The following CREB5 variants were observed in gnomAD, a reference collection of about 807,000 sequenced individuals.
The protein encoded by CREB5 is cAMP responsive element binding protein 5.
In CREB5, 19 loss-of-function variants were observed where a neutral mutation model predicts 57.1. The ratio of observed to expected loss-of-function variants is 0.33; its 90% confidence interval spans 0.23 to 0.49. CREB5 has a LOEUF of 0.49. CREB5 is among the 20% of genes least tolerant of loss of function. The pLI, the probability that CREB5 is intolerant of heterozygous loss-of-function variation, is 0.99. For missense variants in CREB5, 579 were observed against 671.6 expected, an observed-to-expected ratio of 0.86 and a Z score of 1.52; for synonymous variants, 238 against 238.3, an observed-to-expected ratio of 1.00 and a Z score of 0.01.
At position 28,643,759 on chromosome 7, in the gene CREB5, G is replaced by GA. The variant is rs372646801; in HGVS notation, c.464+73222_464+73223insA. On this transcript the variant is annotated intron_variant, in intron 5 of 10. Transcript: ENST00000357727. ...TTCACGGGTTTGGGAGGTGGGGGGG[G>GA]GCGGAAGAAAAAAAAAAAACACACA... Among the ~76,000 whole-genome samples the GA allele has an allele frequency of 5.9e-3, 455 of 77,710 alleles. 7 individuals carry two copies. Among genetic ancestry groups the GA allele is most frequent in the African/African-American group, 0.024 (440 of 18,418 alleles). 51.0% of individuals were successfully genotyped at this position (77,710 alleles called of 152,430 possible). A position where few individuals can be genotyped will look rare whatever the true frequency, so the allele number is the denominator to read the frequency against.
intron 5 of CREB5, among the ~76,000 whole-genome samples, chr7:28,700,981 C>G (rs996628250): frequency 6.6e-6 from 1 of 150,870 alleles, no homozygotes; most frequent in African/African-American, 2.4e-5. Context: ...AAAAAACAAC[C>G]CACCAACCCT....
At chr7:28,644,854 T>C (rs1798830023) in intron 5 of CREB5, among the ~76,000 whole-genome samples, 1 of 152,164 alleles carries the variant, frequency 6.6e-6, no homozygotes. Flanking sequence ...TTTCTACCAG[T>C]CTTTCTAGAT....
intron 7 of CREB5, among the ~76,000 whole-genome samples, chr7:28,764,243 T>C (rs1392705477): frequency 1.3e-5 from 2 of 152,170 alleles, no homozygotes; most frequent in Admixed American, 6.5e-5. Context: ...TGTTCTCTTA[T>C]TATTTTTTTT....
At chr7:28,544,668 C>T (rs910469459) in intron 4 of CREB5, among the ~76,000 whole-genome samples, 3 of 152,108 alleles carry the variant, frequency 2.0e-5, no homozygotes, top group Non-Finnish European at 4.4e-5. Flanking sequence ...AGGAGCCATA[C>T]AGGATAATGC....
chr7:28,611,257 A>T (rs1266964826), intron 5 of CREB5, among the ~76,000 whole-genome samples: 2 of 151,788 alleles, frequency 1.3e-5, no homozygotes, highest in East Asian at 3.9e-4. Flanking sequence ...AGTAAATCGC[A>T]CCCCTGTATT....
chr7:28,751,118 A>G (rs1330958819), intron 7 of CREB5, among the ~76,000 whole-genome samples: 5 of 148,720 alleles, frequency 3.4e-5, no homozygotes, highest in South Asian at 2.1e-4. Context: ...TTCCCCATTA[A>G]CCAACAAACG....
chr7:28,771,090 A>G (rs1420616269), intron 7 of CREB5, among the ~76,000 whole-genome samples: 3 of 152,208 alleles, frequency 2.0e-5, no homozygotes, highest in Non-Finnish European at 2.9e-5. Flanking sequence ...TAAGTATGAA[A>G]TAGTGGTAGA....
intron 1 of CREB5, among the ~76,000 whole-genome samples, chr7:28,467,520 A>C (rs947665229): frequency 2.0e-5 from 3 of 152,180 alleles, no homozygotes; most frequent in Non-Finnish European, 4.4e-5. Flanking sequence ...TACATATTGC[A>C]GACCTAACAC....
At chr7:28,484,460 G>C (rs1791477123) in intron 1 of CREB5, among the ~76,000 whole-genome samples, 1 of 152,206 alleles carries the variant, frequency 6.6e-6, no homozygotes, top group African/African-American at 2.4e-5. Context: ...AGAGAATGCT[G>C]TTTGCAGAGG....
intron 1 of CREB5, among the ~76,000 whole-genome samples, chr7:28,340,054 A>G (rs919547474): frequency 3.3e-5 from 5 of 152,120 alleles, no homozygotes; most frequent in Non-Finnish European, 7.4e-5. Flanking sequence ...CTCTGGCCCA[A>G]GGCAGTTCCA....
At chr7:28,455,548 T>C (rs1790056804) in intron 1 of CREB5, among the ~76,000 whole-genome samples, 1 of 152,226 alleles carries the variant, frequency 6.6e-6, no homozygotes, top group Non-Finnish European at 1.5e-5. Context: ...TCTCAGGTAG[T>C]GGCAAGAGAT....
At chr7:28,374,764 C>T (rs549131488) in intron 1 of CREB5, among the ~76,000 whole-genome samples, 17 of 152,288 alleles carry the variant, frequency 1.1e-4, no homozygotes, top group South Asian at 4.1e-4. Flanking sequence ...AGCCTCAGAG[C>T]GAAATAGGCC....
intron 5 of CREB5, among the ~76,000 whole-genome samples, chr7:28,638,765 A>G (rs1292005041): frequency 6.6e-6 from 1 of 152,232 alleles, no homozygotes; most frequent in Non-Finnish European, 1.5e-5. Context: ...TTCATTTTAT[A>G]TATGAAAAAC....
intron 4 of CREB5, among the ~76,000 whole-genome samples, chr7:28,515,618 C>A (rs1466027577): frequency 1.3e-5 from 2 of 152,138 alleles, no homozygotes; most frequent in African/African-American, 4.8e-5. Context: ...TTCACCCTCC[C>A]ACTCTGGGAC....
chr7:28,515,693 T>A (rs1265986670), intron 4 of CREB5, among the ~76,000 whole-genome samples: 1 of 152,132 alleles, frequency 6.6e-6, no homozygotes, highest in Non-Finnish European at 1.5e-5. Context: ...TTAGACACAG[T>A]CCTCAGATCT....
chr7:28,424,034 A>G (rs1012841107), intron 1 of CREB5, among the ~76,000 whole-genome samples: 1 of 152,184 alleles, frequency 6.6e-6, no homozygotes, highest in Non-Finnish European at 1.5e-5. Context: ...GTTCCTTCCC[A>G]GGGCCTGTGA....
chr7:28,669,422 A>G (rs1299839075), intron 5 of CREB5, among the ~76,000 whole-genome samples: 1 of 152,202 alleles, frequency 6.6e-6, no homozygotes, highest in Non-Finnish European at 1.5e-5. Flanking sequence ...AATTAGTGAA[A>G]TAAACTAATC....
intron 1 of CREB5, among the ~76,000 whole-genome samples, chr7:28,413,388 T>G (rs1431300548): frequency 1.3e-5 from 2 of 152,170 alleles, no homozygotes; most frequent in Non-Finnish European, 2.9e-5. Context: ...GGGTTGAATA[T>G]CAACTATTAC....
intron 1 of CREB5, among the ~76,000 whole-genome samples, chr7:28,378,677 A>C (rs1786897021): frequency 6.6e-6 from 1 of 152,118 alleles, no homozygotes; most frequent in African/African-American, 2.4e-5. Flanking sequence ...ATCCATCACT[A>C]ATTGAAATTT....
Sources: gnomAD v4.1 joint callset for allele counts (sites outside exome capture counted in the v4.1 genomes callset) on GRCh38, gnomAD v4.1.1 for gene constraint, MANE v1.5 for transcripts, NCBI Gene and HGNC (gene_info 2026-07-23, HGNC 2026-07-21) for gene names.